CCDC40: variants seen among roughly 807,000 people sequenced by gnomAD.
CCDC40 encodes coiled-coil domain-containing protein 40.
Under a neutral mutation model 124.5 loss-of-function variants are expected in CCDC40, and 104 were observed. The observed-to-expected ratio is 0.84, with a 90% CI of 0.71 to 0.98. The LOEUF (loss-of-function observed/expected upper bound fraction) is 0.98. CCDC40 is among the 50% of genes least tolerant of loss of function. The pLI, the probability that CCDC40 is intolerant of heterozygous loss-of-function variation, is 0.00. For missense variants in CCDC40, 1,463 were observed against 1,503.9 expected (o/e 0.97, Z 0.45); for synonymous variants, 580 against 602.9 (o/e 0.96, Z 0.56).
At chr17:80,038,560 C>T in intron 2 of CCDC40, among the ~76,000 whole-genome samples, 1 of 151,986 alleles carries the variant, frequency 6.6e-6, no homozygotes, top group East Asian at 1.9e-4. Flanking sequence ...GGCACGGTGA[C>T]TCACGCCTGT....
chr17:80,055,675 A>G (rs373687260), intron 7 of CCDC40, among the ~76,000 whole-genome samples: 1 of 152,018 alleles, frequency 6.6e-6, no homozygotes, highest in Non-Finnish European at 1.5e-5. Context: ...TTTATTCAAC[A>G]TAATTATTTA....
chr17:80,039,845 G>T lies in CCDC40; in HGVS notation c.127G>T (p.Gly43Cys). ...ACCAGAGAAGGATGATGGCCAGAAA[G>T]GTGAAGAAGCTGTCGGTAGCACAGA... ...SPPEKDDGQKGEEAVGSTEHP... is the reference protein window; with the variant it reads ...SPPEKDDGQKCEEAVGSTEHP... Residue 43 changes from glycine to cysteine, a missense_variant, in exon 3 of 20, where the codon GGT (glycine) becomes TGT (cysteine). Gly to Cys is a radical substitution (Grantham distance 159). Coordinates refer to ENST00000397545, the MANE Select transcript of CCDC40 (RefSeq NM_017950.4). 1 of 1,614,016 alleles carries T rather than the reference G, an allele frequency of 6.2e-7. No homozygotes were observed. The highest frequency in any genetic ancestry group is 8.5e-7 in the Non-Finnish European group (1 of 1,179,988).
chr17:80,054,716 G>A (rs1276993371), intron 7 of CCDC40, among the ~76,000 whole-genome samples: 2 of 152,240 alleles, frequency 1.3e-5, no homozygotes, highest in Admixed American at 6.5e-5. Flanking sequence ...GCTCACGCCT[G>A]TAATCCCAGC....
intron 9 of CCDC40, 91 bp downstream of exon 9, chr17:80,059,071 C>T (rs1443212300): frequency 1.1e-5 from 17 of 1,506,508 alleles, no homozygotes; most frequent in Middle Eastern, 1.7e-4. Flanking sequence ...TGCACCTGCC[C>T]GTCTGCTGGA....
chr17:80,038,021 A>G, intron 1 of CCDC40, 102 bp from the exon 2 acceptor site: 1 of 760,722 alleles, frequency 1.3e-6, no homozygotes, highest in Non-Finnish European at 2.3e-6. Flanking sequence ...GTGGCAGAGA[A>G]GTAACAAGTA....
Position 80,087,483 on chromosome 17 carries a change from G to T in CCDC40, c.2450-124G>T. 1.3e-6 allele frequency: 1 copy of T among 749,440 alleles called. No individual in the cohort carries two copies. Among genetic ancestry groups the T allele is most frequent in the Non-Finnish European group, 2.4e-6 (1 of 417,846 alleles). 46.4% of individuals were successfully genotyped at this position (749,440 alleles called of 1,614,324 possible). Reference sequence around the variant, plus strand: ...GGCAGGAGCGCCAGGAACGACAAGAGGGAGGGGATGAAGGGAGCTACAGGG... The same window carrying T: ...GGCAGGAGCGCCAGGAACGACAAGATGGAGGGGATGAAGGGAGCTACAGGG... On this transcript the variant is annotated intron_variant, in intron 14 of 19. Coordinates refer to ENST00000397545, the MANE Select transcript of CCDC40 (RefSeq NM_017950.4). The surrounding 1 kb of genome is among the most constrained non-coding windows in gnomAD (Gnocchi z 4.5).
Position 80,092,644 on chromosome 17 carries a change from T to C in CCDC40, c.2833-2619T>C, listed in dbSNP as rs1364390165. 3.9e-5 allele frequency among the ~76,000 whole-genome samples: 6 copies of C among 152,190 alleles called. No homozygotes were observed. In the East Asian group the frequency reaches 1.2e-3, roughly 29 times the overall value. On this transcript the variant is annotated intron_variant, in intron 17 of 19. Transcript: ENST00000397545. ...TCTTTTTTTAGAGACAGGGTTTCGCTCTGTCACCCGGGCTGGAGTGCAGTG... is the reference window on the plus strand; with the variant it reads ...TCTTTTTTTAGAGACAGGGTTTCGCCCTGTCACCCGGGCTGGAGTGCAGTG...
At chr17:80,057,678 T>C (rs56091937) in intron 7 of CCDC40, among the ~76,000 whole-genome samples, 50,600 of 151,406 alleles carry the variant, frequency 0.33, 11,257 homozygotes, top group African/African-American at 0.64. Context: ...AGATGGAGAT[T>C]ATCCTGGCTA....
In CCDC40 at chr17:80,056,909, C is replaced by T. The variant is rs528115039; in HGVS notation, c.1160-1585C>T. 5.3e-5 allele frequency among the ~76,000 whole-genome samples: 8 copies of T among 151,148 alleles called. No individual in the cohort carries two copies. In the East Asian group the frequency reaches 6.0e-4, roughly 11 times the overall value. On this transcript the variant is annotated intron_variant, in intron 7 of 19. Coordinates refer to ENST00000397545, the MANE Select transcript of CCDC40 (RefSeq NM_017950.4). ...AAATACAATTACTCGGGCGTGGTGG[C>T]GGGCACCTGTGGTCCCAGCTACTCA...
chr17:80,056,016 A>ATATTTTT (rs71163913), intron 7 of CCDC40, among the ~76,000 whole-genome samples: 2 of 10,258 alleles, frequency 1.9e-4, no homozygotes, highest in Non-Finnish European at 3.2e-4. Context: ...ATATATATAT[A>ATATTTTT]TTTTTTTTTT....
Position 80,044,714 on chromosome 17 carries a change from A to ATGTGT in CCDC40, c.553-2565_553-2564insTGTGT, listed in dbSNP as rs1234367819. 4.8e-4 allele frequency among the ~76,000 whole-genome samples: 37 copies of ATGTGT among 76,722 alleles called. 1 individual carries two copies. Among genetic ancestry groups the ATGTGT allele is most frequent in the African/African-American group, 1.5e-3 (34 of 23,098 alleles). 50.3% of individuals were successfully genotyped at this position (76,722 alleles called of 152,430 possible). On this transcript the variant is annotated intron_variant, in intron 3 of 19. Transcript: ENST00000397545. ...AAAACAAAACAAACAAACAAAAAAAAAAATATATATATATATATATATATC... is the reference window on the plus strand; with the variant it reads ...AAAACAAAACAAACAAACAAAAAAAATGTGTAAATATATATATATATATATATATC...
At chr17:80,095,597 T>C in intron 18 of CCDC40, 146 bp downstream of exon 18, 1 of 751,302 alleles carries the variant, frequency 1.3e-6, no homozygotes, top group South Asian at 1.7e-5. Flanking sequence ...TGCTGCTGGG[T>C]GCTGGGTCTG....
rs1330477940 is a variant in CCDC40 at position 80,087,403 on chromosome 17, CAA to C, written c.2450-200_2450-199del. On this transcript the variant is annotated intron_variant, in intron 14 of 19. Transcript: ENST00000397545. This position sits in a 1 kb window ranked among gnomAD's most constrained non-coding sequence, Gnocchi z 4.5. ...GACCAGGCTTTGGGAGCTTAGCAGCCAAAAAGAGACCCCCTGTCCTCTCCTCT... is the reference window on the plus strand; with the variant it reads ...GACCAGGCTTTGGGAGCTTAGCAGCCAAAGAGACCCCCTGTCCTCTCCTCT... 5 of 595,140 alleles carry C rather than the reference CAA, an allele frequency of 8.4e-6. No individual in the cohort carries two copies. The highest frequency in any genetic ancestry group is 1.5e-5 in the Non-Finnish European group (5 of 334,970). 36.9% of individuals were successfully genotyped at this position (595,140 alleles called of 1,614,324 possible).
rs1429962162 is a variant in CCDC40, at chr17:80,066,739, C to G, written c.1562+1133C>G. ...CTCTAGCCTGGGAGACAGAGCAAGA[C>G]TCTGTCTCAAAAAAAATAAAAATAA... On this transcript the variant is annotated intron_variant, in intron 10 of 19. Coordinates refer to ENST00000397545, the MANE Select transcript of CCDC40 (RefSeq NM_017950.4). This position sits in a 1 kb window ranked among gnomAD's most constrained non-coding sequence, Gnocchi z 4.4. 6.5e-6 allele frequency: 1 copy of G among 152,786 alleles called. No individual in the cohort carries two copies. Among genetic ancestry groups the G allele is most frequent in the African/African-American group, 2.4e-5 (1 of 41,402 alleles). 9.5% of individuals were successfully genotyped at this position (152,786 alleles called of 1,614,324 possible). A position where few individuals can be genotyped will look rare whatever the true frequency, so the allele number is the denominator to read the frequency against.
intron 1 of CCDC40, among the ~76,000 whole-genome samples, chr17:80,037,071 C>G (rs1247751679): frequency 6.6e-6 from 1 of 152,212 alleles, no homozygotes; most frequent in African/African-American, 2.4e-5. Context: ...GGGCGCGGGG[C>G]TGTTGGATAC....
At chr17:80,099,420 G>A (rs961995346) in intron 19 of CCDC40, 107 bp from the exon 20 acceptor site, 3 of 1,337,124 alleles carry the variant, frequency 2.2e-6, no homozygotes, top group Non-Finnish European at 3.2e-6. Context: ...TCAGGCGTAG[G>A]TCTCGCCTCC....
Position 80,047,272 on chromosome 17 carries a change from G to T in CCDC40, c.553-7G>T, listed in dbSNP as rs1686305255. The T allele has an allele frequency of 6.2e-7, 1 of 1,613,860 alleles. No individual in the cohort carries two copies. Among genetic ancestry groups the T allele is most frequent in the Non-Finnish European group, 8.5e-7 (1 of 1,179,870 alleles). ...TGTTGACTTAGTTTTGGTTGTTCTT[G>T]CCATAGACAGGATCCACAGAGGAGC... On this transcript the variant is annotated splice_polypyrimidine_tract_variant and splice_region_variant and intron_variant, in intron 3 of 19. Coordinates refer to ENST00000397545, the MANE Select transcript of CCDC40 (RefSeq NM_017950.4).
chr17:80,049,781 G>A, intron 5 of CCDC40, 125 bp from the exon 6 acceptor site: 3 of 765,976 alleles, frequency 3.9e-6, no homozygotes, highest in South Asian at 1.4e-5. Context: ...CAGAAGCAGG[G>A]AGCACTCCAC....
Position 80,086,229 on chromosome 17 carries a change from G to T in CCDC40, c.2449+13G>T. 6.3e-7 allele frequency: 1 copy of T among 1,576,530 alleles called. No homozygotes were observed. The highest frequency in any genetic ancestry group is 1.4e-5 in the African/African-American group (1 of 74,072). On this transcript the variant is annotated intron_variant, in intron 14 of 19. Coordinates refer to ENST00000397545, the MANE Select transcript of CCDC40 (RefSeq NM_017950.4). This position sits in a 1 kb window ranked among gnomAD's most constrained non-coding sequence, Gnocchi z 5.5. ...CTACGAGTAGAAAGTAAGAGCCGCC[G>T]TGCCCGGCCCTGCAGTGATGCTGAG...
Sources: allele counts gnomAD v4.1 joint callset (sites outside exome capture counted in the v4.1 genomes callset), GRCh38; gene constraint gnomAD v4.1.1; non-coding constraint Gnocchi (gnomAD v3.1); transcripts MANE v1.5; gene names NCBI Gene and HGNC (gene_info 2026-07-23, HGNC 2026-07-21).